Variants in RIMKLA observed in about 807,000 individuals in gnomAD.
RIMKLA encodes the protein N-acetylaspartylglutamate synthase A.
RIMKLA carries 14 observed loss-of-function variants against 32.7 expected under a neutral mutation model. That is an observed-to-expected ratio of 0.43 (90% CI 0.28 to 0.67). The LOEUF is 0.67. RIMKLA is among the 30% of genes least tolerant of loss of function. The pLI, the probability that RIMKLA is intolerant of heterozygous loss-of-function variation, is 0.18. For missense variants in RIMKLA, 410 were observed against 519.0 expected, an observed-to-expected ratio of 0.79 and a Z score of 2.04; for synonymous variants, 176 against 204.1, an observed-to-expected ratio of 0.86 and a Z score of 1.18.
In RIMKLA at chr1:42,423,295, TTTC is replaced by T. The variant is rs1371464484; in HGVS notation, c.*8329_*8331del. ...CACTGGGGAATGTGGCCTATGTTTC[TTTC>T]TTCTTCTCTTACATGAAAATCGTCA... On this transcript the variant is annotated 3_prime_UTR_variant, in exon 5 of 5. Transcript: ENST00000431473. Among the ~76,000 whole-genome samples the T allele has an allele frequency of 1.3e-5, 2 of 152,216 alleles. No homozygotes were observed. The highest frequency in any genetic ancestry group is 1.9e-4 in the East Asian group (1 of 5,196).
chr1:42,385,002 C>T (rs543292548), intron 1 of RIMKLA, among the ~76,000 whole-genome samples: 1 of 152,242 alleles, frequency 6.6e-6, no homozygotes, highest in Non-Finnish European at 1.5e-5. Flanking sequence ...AGTAGTCCCT[C>T]TCTTCCATCT....
chr1:42,422,165 T>C lies in RIMKLA; in HGVS notation c.*7191T>C, dbSNP rs1349254225. ...ACATCTTAGTTCCAGGGAGGTAGCATTTGTGTTGTATTTCTCAGAAGCAAG... is the reference window on the plus strand; with the variant it reads ...ACATCTTAGTTCCAGGGAGGTAGCACTTGTGTTGTATTTCTCAGAAGCAAG... On this transcript the variant is annotated 3_prime_UTR_variant, in exon 5 of 5. Transcript: ENST00000431473. The C allele has an allele frequency of 3.3e-5, 5 of 152,360 alleles. No homozygotes were observed. The East Asian group carries it at 9.6e-4, about 29-fold the overall frequency. The allele number at this position is 152,360 out of a possible 1,614,324, so 9.4% of individuals were successfully genotyped here.
chr1:42,388,314 C>T (rs1642967883), intron 1 of RIMKLA, among the ~76,000 whole-genome samples: 1 of 152,092 alleles, frequency 6.6e-6, no homozygotes, highest in African/African-American at 2.4e-5. Flanking sequence ...CAGTGATTCT[C>T]CTGCCTCAGC....
chr1:42,423,699 C>T lies in RIMKLA; in HGVS notation c.*8725C>T, dbSNP rs1389916241. Among the ~76,000 whole-genome samples the T allele has an allele frequency of 2.0e-5, 3 of 152,176 alleles. No homozygotes were observed. The highest frequency in any genetic ancestry group is 7.2e-5 in the African/African-American group (3 of 41,434). Reference sequence around the variant, plus strand: ...CTGTGACACTTCCCCTTCTACTTCCCAGAGTTACATGGTGTCCCTCTAGGA... The same window carrying T: ...CTGTGACACTTCCCCTTCTACTTCCTAGAGTTACATGGTGTCCCTCTAGGA... On this transcript the variant is annotated 3_prime_UTR_variant, in exon 5 of 5. Coordinates refer to ENST00000431473, the MANE Select transcript of RIMKLA (RefSeq NM_173642.4).
rs1218146100 is a variant in RIMKLA, at chr1:42,415,846, T to A, written c.*872T>A. The A allele has an allele frequency of 6.6e-6, 1 of 152,174 alleles. No homozygotes were observed. Among genetic ancestry groups the A allele is most frequent in the Non-Finnish European group, 1.5e-5 (1 of 68,030 alleles). 9.4% of individuals were successfully genotyped at this position (152,174 alleles called of 1,614,324 possible). On this transcript the variant is annotated 3_prime_UTR_variant, in exon 5 of 5. Coordinates refer to ENST00000431473, the MANE Select transcript of RIMKLA (RefSeq NM_173642.4). ...TCCAGAAGCCAGTGGGTTTTTACCA[T>A]AGAAAGCTACTTGGAGATCATCATT...
rs1392220943 is a variant in RIMKLA at position 42,414,763 on chromosome 1, A to G, written c.965A>G (p.Glu322Gly). The change falls in exon 5 of 5, where the codon GAG (glutamate) becomes GGG (glycine). Residue 322 changes from glutamate (E) to glycine (G), a missense_variant. Physicochemically the swap from Glu to Gly is moderately conservative, Grantham distance 98 (BLOSUM62 -2). Transcript: ENST00000431473. Reference protein sequence around the residue: ...AVLPGLSSPREKNEPDGCASA... With the variant: ...AVLPGLSSPRGKNEPDGCASA... ...CTCCCAGGACTGTCGAGTCCAAGGG[A>G]GAAGAACGAGCCGGATGGCTGTGCT... is the stretch of plus-strand genomic sequence containing the variant. 6.2e-7 allele frequency: 1 copy of G among 1,614,044 alleles called. No homozygotes were observed. Among genetic ancestry groups the G allele is most frequent in the Non-Finnish European group, 8.5e-7 (1 of 1,180,026 alleles).
At position 42,385,808 on chromosome 1, in the gene RIMKLA, TTTCCTTCCTTCC is replaced by T. The variant is rs1275160381; in HGVS notation, c.163+4722_163+4733del. The stretch of plus-strand genomic sequence containing the variant: ...GTTTGTTTCTTTCTTTCTCTCTCTC[TTTCCTTCCTTCC>T]TTCCTTCCTTTCTTTCTTTCTTTCT... On this transcript the variant is annotated intron_variant, in intron 1 of 4. Coordinates refer to ENST00000431473, the MANE Select transcript of RIMKLA (RefSeq NM_173642.4). 2.6e-5 allele frequency among the ~76,000 whole-genome samples: 2 copies of T among 75,892 alleles called. 1 individual carries two copies. The highest frequency in any genetic ancestry group is 8.7e-5 in the African/African-American group (2 of 23,030). The allele number at this position is 75,892 out of a possible 152,430, so 49.8% of individuals were successfully genotyped here. A position where few individuals can be genotyped will look rare whatever the true frequency, so the allele number is the denominator to read the frequency against.
At chr1:42,409,836 GAAAC>G in intron 3 of RIMKLA, 144 bp from the exon 4 acceptor site, 1 of 686,364 alleles carries the variant, frequency 1.5e-6, no homozygotes, top group Non-Finnish European at 2.6e-6. Flanking sequence ...CATTTGATAA[GAAAC>G]AAAAGTCTAG....
chr1:42,414,463 A>C, intron 4 of RIMKLA, 21 bp from the exon 5 acceptor site: 1 of 1,610,948 alleles, frequency 6.2e-7, no homozygotes, highest in South Asian at 1.1e-5. Flanking sequence ...TCACCTTTAC[A>C]TCACTGTGCT....
rs1186970966 is a variant in RIMKLA at position 42,421,215 on chromosome 1, G to A, written c.*6241G>A. Reference sequence around the variant, plus strand: ...GGAGGAGAGACTGCCTCAGACAACTGGGGGGCTGGAAAGCCGACCTGGAAA... The same window carrying A: ...GGAGGAGAGACTGCCTCAGACAACTAGGGGGCTGGAAAGCCGACCTGGAAA... On this transcript the variant is annotated 3_prime_UTR_variant, in exon 5 of 5. Coordinates refer to ENST00000431473, the MANE Select transcript of RIMKLA (RefSeq NM_173642.4). This position sits in a 1 kb window ranked among gnomAD's most constrained non-coding sequence, Gnocchi z 4.6. 1.3e-5 allele frequency: 2 copies of A among 152,278 alleles called. No homozygotes were observed. Among genetic ancestry groups the A allele is most frequent in the African/African-American group, 4.8e-5 (2 of 41,466 alleles). 9.4% of individuals were successfully genotyped at this position (152,278 alleles called of 1,614,324 possible). A position where few individuals can be genotyped will look rare whatever the true frequency, so the allele number is the denominator to read the frequency against.
chr1:42,412,044 C>T (rs1348100775), intron 4 of RIMKLA, among the ~76,000 whole-genome samples: 1 of 151,992 alleles, frequency 6.6e-6, no homozygotes, highest in Non-Finnish European at 1.5e-5. Context: ...TTTTAGTTAC[C>T]TTACAAAATC....
intron 3 of RIMKLA, among the ~76,000 whole-genome samples, chr1:42,408,922 T>G (rs1050860097): frequency 2.0e-5 from 3 of 152,050 alleles, no homozygotes; most frequent in African/African-American, 7.2e-5. Flanking sequence ...GAAAAGCTGA[T>G]GTTGGCCGGT....
At chr1:42,413,520 A>G (rs1001534877) in intron 4 of RIMKLA, among the ~76,000 whole-genome samples, 7 of 151,284 alleles carry the variant, frequency 4.6e-5, no homozygotes, top group Non-Finnish European at 1.0e-4. Flanking sequence ...AAAAAAAAAA[A>G]AAAAGAAAGA....
In RIMKLA at chr1:42,419,583, A is replaced by G. The variant is rs1478000383; in HGVS notation, c.*4609A>G. The G allele has an allele frequency of 6.6e-6, 1 of 152,336 alleles. No homozygotes were observed. Among genetic ancestry groups the G allele is most frequent in the African/African-American group, 2.4e-5 (1 of 41,458 alleles). The allele number at this position is 152,336 out of a possible 1,614,324, so 9.4% of individuals were successfully genotyped here. ...GTAGCTCCATCCCTCCCTGGAATCT[A>G]GCACATGCTCCCATCCTGGGCCTAC... On this transcript the variant is annotated 3_prime_UTR_variant, in exon 5 of 5. Transcript: ENST00000431473.
At chr1:42,395,199 G>A (rs1643032484) in intron 1 of RIMKLA, among the ~76,000 whole-genome samples, 1 of 152,170 alleles carries the variant, frequency 6.6e-6, no homozygotes, top group African/African-American at 2.4e-5. Context: ...ACCCATAAAA[G>A]TAGATTATTC....
At chr1:42,413,485 C>A (rs1458375182) in intron 4 of RIMKLA, among the ~76,000 whole-genome samples, 5 of 124,336 alleles carry the variant, frequency 4.0e-5, no homozygotes, top group Non-Finnish European at 6.3e-5. Context: ...GCCTAGGTGA[C>A]AGAGTAAGAG....
In RIMKLA at chr1:42,414,718, A is replaced by C; in HGVS notation, c.920A>C (p.Gln307Pro). The C allele has an allele frequency of 1.2e-6, 2 of 1,614,222 alleles. No individual in the cohort carries two copies. Among genetic ancestry groups the C allele is most frequent in the Non-Finnish European group, 1.7e-6 (2 of 1,180,036 alleles). Residue 307 changes from glutamine to proline, a missense_variant, in exon 5 of 5, where the codon CAG (glutamine) becomes CCG (proline). Transcript: ENST00000431473. Reference protein sequence around the residue: ...DYTMSLLPNRQTGKMAVLPGL... With the variant: ...DYTMSLLPNRPTGKMAVLPGL... Reference sequence around the variant, plus strand: ...ACCATGTCCTTGCTGCCAAATAGGCAGACTGGAAAGATGGCTGTCCTCCCA... The same window carrying C: ...ACCATGTCCTTGCTGCCAAATAGGCCGACTGGAAAGATGGCTGTCCTCCCA...
rs905506065 is a variant in RIMKLA at position 42,394,420 on chromosome 1, G to A, written c.164-4984G>A. Among the ~76,000 whole-genome samples the A allele has an allele frequency of 5.3e-5, 8 of 152,298 alleles. No individual in the cohort carries two copies. In the East Asian group the frequency reaches 1.5e-3, roughly 29 times the overall value. On this transcript the variant is annotated intron_variant, in intron 1 of 4. Transcript: ENST00000431473. ...TGTATCGGCTTTGTGTAAATGCAAA[G>A]ACATTTATAGTCAAATCAATTCCAA...
chr1:42,410,801 CTGAA>C (rs1643190973), intron 4 of RIMKLA, among the ~76,000 whole-genome samples: 1 of 150,842 alleles, frequency 6.6e-6, no homozygotes. Context: ...GTCAACCTCA[CTGAA>C]TGAGTTTATA....
Sources: gnomAD v4.1 joint callset for allele counts (sites outside exome capture counted in the v4.1 genomes callset) on GRCh38, gnomAD v4.1.1 for gene constraint, Gnocchi (gnomAD v3.1) non-coding constraint, MANE v1.5 for transcripts, NCBI Gene and HGNC (gene_info 2026-07-23, HGNC 2026-07-21) for gene names.